CRADD: variants seen among roughly 807,000 people sequenced by gnomAD.
CRADD encodes CARD and death domain containing adaptor protein, also known as death domain-containing protein CRADD.
In CRADD, 9 loss-of-function variants were observed where a neutral mutation model predicts 15.5. The observed-to-expected ratio is 0.58, with a 90% confidence interval of 0.35 to 1.01. The LOEUF is 1.01. CRADD is among the 50% of genes least tolerant of loss of function. CRADD has a pLI of 0.02. For synonymous variants in CRADD, 118 were observed against 107.6 expected, an observed-to-expected ratio of 1.10 and a Z score of -0.60; for missense variants, 227 against 250.3, an observed-to-expected ratio of 0.91 and a Z score of 0.63.
chr12:93,682,726 A>G (rs980684472), intron 2 of CRADD, among the ~76,000 whole-genome samples: 2 of 152,092 alleles, frequency 1.3e-5, no homozygotes, highest in African/African-American at 4.8e-5. Context: ...CGCCACCCCC[A>G]TCAAATCTCA....
At chr12:93,697,283 A>G (rs1955731635) in intron 2 of CRADD, among the ~76,000 whole-genome samples, 1 of 152,166 alleles carries the variant, frequency 6.6e-6, no homozygotes, top group African/African-American at 2.4e-5. Flanking sequence ...TGCCTGACTA[A>G]AGGGCTGGAG....
At position 93,678,974 on chromosome 12, in the gene CRADD, A is replaced by G; in HGVS notation, c.200A>G (p.Lys67Arg). Residue 67 changes from lysine (K) to arginine (R), a missense_variant, in exon 2 of 3, where the codon AAA (lysine) becomes AGA (arginine). By Grantham distance (26) the Lys-to-Arg change is conservative. Coordinates refer to ENST00000332896, the MANE Select transcript of CRADD (RefSeq NM_003805.5). The stretch of plus-strand genomic sequence containing the variant: ...GATATCCTACCTTCCAGGGGCCCTA[A>G]AGCATTTGATACATTCCTAGATTCC... Reference protein sequence around the residue: ...LLDILPSRGPKAFDTFLDSLQ... With the variant: ...LLDILPSRGPRAFDTFLDSLQ... 6.2e-7 allele frequency: 1 copy of G among 1,614,000 alleles called. No individual in the cohort carries two copies. Among genetic ancestry groups the G allele is most frequent in the Non-Finnish European group, 8.5e-7 (1 of 1,179,902 alleles).
intron 2 of CRADD, among the ~76,000 whole-genome samples, chr12:93,718,019 C>T (rs1214746276): frequency 6.6e-6 from 1 of 152,154 alleles, no homozygotes; most frequent in African/African-American, 2.4e-5. Context: ...GTTCTCTGTT[C>T]TATTCCATTC....
intron 2 of CRADD, among the ~76,000 whole-genome samples, chr12:93,871,348 T>C (rs1355090109): frequency 6.6e-6 from 1 of 152,194 alleles, no homozygotes; most frequent in Non-Finnish European, 1.5e-5. Flanking sequence ...ATAGTAGGTA[T>C]AGGTATATAG....
At chr12:93,828,356 A>G (rs1288373611) in intron 2 of CRADD, among the ~76,000 whole-genome samples, 1 of 152,212 alleles carries the variant, frequency 6.6e-6, no homozygotes, top group African/African-American at 2.4e-5. Flanking sequence ...TCATGCTTTT[A>G]GTATGGTGCC....
At chr12:93,883,930 G>C (rs1170911327) in intron 2 of CRADD, among the ~76,000 whole-genome samples, 1 of 152,186 alleles carries the variant, frequency 6.6e-6, no homozygotes, top group African/African-American at 2.4e-5. Context: ...AATCCCAGAG[G>C]CCTCTCCAGG....
intron 2 of CRADD, among the ~76,000 whole-genome samples, chr12:93,778,484 A>G (rs530461780): frequency 2.6e-5 from 4 of 152,332 alleles, no homozygotes; most frequent in African/African-American, 9.6e-5. Flanking sequence ...CATACTTATT[A>G]GACTTAGAGA....
intron 2 of CRADD, among the ~76,000 whole-genome samples, chr12:93,798,902 T>C (rs1957448524): frequency 6.6e-6 from 1 of 151,884 alleles, no homozygotes; most frequent in Non-Finnish European, 1.5e-5. Context: ...CAACCAGCCC[T>C]CCCATGCCAG....
intron 1 of CRADD, 79 bp downstream of exon 1, chr12:93,677,551 GC>G (rs1955187751): frequency 6.6e-6 from 1 of 152,250 alleles, no homozygotes; most frequent in Non-Finnish European, 1.5e-5. Context: ...GGGCTTCCCC[GC>G]CCCGCTAACT....
intron 2 of CRADD, among the ~76,000 whole-genome samples, chr12:93,743,994 A>T (rs1592953786): frequency 6.6e-6 from 1 of 151,660 alleles, no homozygotes; most frequent in East Asian, 1.9e-4. Flanking sequence ...AGTTTAACAG[A>T]CTCTTATGTG....
At chr12:93,687,202 A>C (rs193063388) in intron 2 of CRADD, among the ~76,000 whole-genome samples, 16 of 152,324 alleles carry the variant, frequency 1.1e-4, no homozygotes, top group African/African-American at 3.6e-4. Context: ...CAAACATGTG[A>C]CAGGTCTTGC....
intron 2 of CRADD, among the ~76,000 whole-genome samples, chr12:93,749,463 G>C (rs1200097626): frequency 6.6e-6 from 1 of 152,186 alleles, no homozygotes; most frequent in African/African-American, 2.4e-5. Context: ...GCACAGAAGA[G>C]TCCACTTTGC....
At chr12:93,688,212 GA>G (rs1476899823) in intron 2 of CRADD, among the ~76,000 whole-genome samples, 4 of 152,184 alleles carry the variant, frequency 2.6e-5, no homozygotes, top group African/African-American at 9.7e-5. Flanking sequence ...AATTAAAAAT[GA>G]ATTTCAGGCC....
chr12:93,739,296 A>G (rs989957090), intron 2 of CRADD, among the ~76,000 whole-genome samples: 9 of 151,496 alleles, frequency 5.9e-5, no homozygotes, highest in Non-Finnish European at 8.8e-5. Flanking sequence ...CTTATTTCCA[A>G]TACAGATATG....
chr12:93,769,466 A>G (rs986950523), intron 2 of CRADD, among the ~76,000 whole-genome samples: 1 of 152,104 alleles, frequency 6.6e-6, no homozygotes, highest in Admixed American at 6.5e-5. Context: ...ATTCTTGTAC[A>G]TGTCTTTTGG....
intron 2 of CRADD, among the ~76,000 whole-genome samples, chr12:93,842,787 G>A (rs1958063731): frequency 6.8e-6 from 1 of 147,896 alleles, no homozygotes; most frequent in Non-Finnish European, 1.5e-5. Context: ...AGGGATGGAG[G>A]GGCGAGAGAA....
chr12:93,726,792 C>CGGAT (rs1956374850), intron 2 of CRADD, among the ~76,000 whole-genome samples: 1 of 151,744 alleles, frequency 6.6e-6, no homozygotes, highest in Non-Finnish European at 1.5e-5. Context: ...TGAGATTAGA[C>CGGAT]GGATATACAA....
intron 2 of CRADD, chr12:93,846,592 A>ACACACGCGCGCG (rs1381550841): frequency 4.8e-5 from 7 of 146,876 alleles, no homozygotes; most frequent in African/African-American, 1.0e-4. Flanking sequence ...ACACACACAC[A>ACACACGCGCGCG]CACACACACA....
chr12:93,764,323 C>T (rs1023370853), intron 2 of CRADD, among the ~76,000 whole-genome samples: 2 of 151,630 alleles, frequency 1.3e-5, no homozygotes, highest in Non-Finnish European at 1.5e-5. Flanking sequence ...GGCAGAGTTG[C>T]TGGAGGGAAG....
Sources: gnomAD v4.1 joint callset for allele counts (sites outside exome capture counted in the v4.1 genomes callset) on GRCh38, gnomAD v4.1.1 for gene constraint, MANE v1.5 for transcripts, NCBI Gene and HGNC (gene_info 2026-07-23, HGNC 2026-07-21) for gene names.